Variants in TENM3 observed in about 807,000 individuals in gnomAD.
The protein encoded by TENM3 is teneurin transmembrane protein 3, also known as teneurin-3.
Under a neutral mutation model 255.1 loss-of-function variants are expected in TENM3, and 63 were observed. The observed-to-expected ratio is 0.25, with a 90% CI of 0.20 to 0.30. TENM3 has a LOEUF of 0.30. Among genes scored for constraint, TENM3 ranks in the 10% least tolerant of loss-of-function variants. TENM3 has a pLI of 1.00. For missense variants in TENM3, 2,929 were observed against 3,461.1 expected (o/e 0.85, Z 3.86); for synonymous variants, 1,306 against 1,322.3 (o/e 0.99, Z 0.27).
At chr4:182,620,959 C>G (rs1265656054) in intron 4 of TENM3, among the ~76,000 whole-genome samples, 1 of 151,950 alleles carries the variant, frequency 6.6e-6, no homozygotes, top group Non-Finnish European at 1.5e-5. Flanking sequence ...GCGGGTGGAT[C>G]CCCTGAGGTC....
chr4:182,101,131 GAAGGAAGGAAAGA>G, the TENM3 span, among the ~76,000 whole-genome samples: 1 of 93,730 alleles, frequency 1.1e-5, no homozygotes. Context: ...AGGAAAGAAG[GAAGGAAGGAAAGA>G]AGGGAGGGAG....
At chr4:182,652,338 A>T (rs754685024) in intron 5 of TENM3, among the ~76,000 whole-genome samples, 1 of 152,282 alleles carries the variant, frequency 6.6e-6, no homozygotes, top group South Asian at 2.1e-4. Flanking sequence ...GGGACTGTTT[A>T]TTGAGGGGTG....
chr4:181,849,549 A>G, the TENM3 span, among the ~76,000 whole-genome samples: 7 of 152,338 alleles, frequency 4.6e-5, no homozygotes, highest in Non-Finnish European at 7.3e-5. Flanking sequence ...ATACTCACAC[A>G]CTAAAAAGCA....
In TENM3 at chr4:182,339,104, G is replaced by A. The variant is rs528971390; in HGVS notation, c.233-7547G>A. On this transcript the variant is annotated intron_variant, in intron 2 of 27. Coordinates refer to ENST00000511685, the MANE Select transcript of TENM3 (RefSeq NM_001080477.4). Reference sequence around the variant, plus strand: ...TCTGAAACCCCTTTTCATGTTTTCTGAAATACTGGTGCTGAGAAAGCTTAT... The same window carrying A: ...TCTGAAACCCCTTTTCATGTTTTCTAAAATACTGGTGCTGAGAAAGCTTAT... Among the ~76,000 whole-genome samples the A allele has an allele frequency of 1.8e-3, 267 of 152,254 alleles. 5 individuals carry two copies. Among genetic ancestry groups the A allele is most frequent in the South Asian group, 0.017 (81 of 4,832 alleles).
At chr4:181,866,692 A>G in the TENM3 span, among the ~76,000 whole-genome samples, 1 of 152,070 alleles carries the variant, frequency 6.6e-6, no homozygotes, top group Non-Finnish European at 1.5e-5. Context: ...TCATCTATCC[A>G]AGTCAACAAA....
chr4:181,894,702 T>G, the TENM3 span, among the ~76,000 whole-genome samples: 3 of 151,296 alleles, frequency 2.0e-5, no homozygotes, highest in Non-Finnish European at 4.4e-5. Flanking sequence ...TTAGGGGCTT[T>G]GCCAAGTCAA....
At chr4:182,515,680 G>T (rs1419573414) in intron 3 of TENM3, among the ~76,000 whole-genome samples, 1 of 152,024 alleles carries the variant, frequency 6.6e-6, no homozygotes, top group African/African-American at 2.4e-5. Flanking sequence ...AATGTAAGGA[G>T]AGGAGACTTC....
At chr4:182,729,257 G>A in intron 14 of TENM3, 76 bp downstream of exon 14, 6 of 1,288,676 alleles carry the variant, frequency 4.7e-6, no homozygotes, top group Non-Finnish European at 6.7e-6. Context: ...AAATACTCAT[G>A]ACTGTGAACC....
At chr4:182,299,977 G>T (rs371433238) in intron 1 of TENM3, among the ~76,000 whole-genome samples, 1 of 151,120 alleles carries the variant, frequency 6.6e-6, no homozygotes, top group Non-Finnish European at 1.5e-5. Flanking sequence ...GTGCAGTGGC[G>T]CAATCTTGGC....
the TENM3 span, among the ~76,000 whole-genome samples, chr4:181,717,642 A>T: frequency 4.9e-4 from 75 of 152,338 alleles, no homozygotes; most frequent in African/African-American, 1.7e-3. Context: ...GAATAGCTGT[A>T]GGGAATAGCA....
At chr4:181,740,433 A>G in the TENM3 span, among the ~76,000 whole-genome samples, 1 of 152,280 alleles carries the variant, frequency 6.6e-6, no homozygotes, top group African/African-American at 2.4e-5. Flanking sequence ...TATAAATGGG[A>G]CTTGAGTCTT....
intron 3 of TENM3, among the ~76,000 whole-genome samples, chr4:182,583,004 G>A (rs531931993): frequency 3.9e-5 from 6 of 152,316 alleles, no homozygotes; most frequent in Admixed American, 1.3e-4. Flanking sequence ...CAAGATGAAT[G>A]TGCAGGGCAA....
chr4:182,087,443 T>C, the TENM3 span, among the ~76,000 whole-genome samples: 1 of 152,206 alleles, frequency 6.6e-6, no homozygotes, highest in Non-Finnish European at 1.5e-5. Flanking sequence ...AGGCACATGG[T>C]ATACCAGGAG....
chr4:182,413,065 A>G (rs1364020776), intron 3 of TENM3, among the ~76,000 whole-genome samples: 1 of 152,050 alleles, frequency 6.6e-6, no homozygotes, highest in East Asian at 1.9e-4. Flanking sequence ...TACACCTTAT[A>G]TATAAGAAAA....
the TENM3 span, among the ~76,000 whole-genome samples, chr4:182,067,533 C>T: frequency 0.13 from 19,497 of 152,158 alleles, 1,422 homozygotes; most frequent in African/African-American, 0.18. Flanking sequence ...GGAGACACAA[C>T]CCAAAGTAAT....
the TENM3 span, among the ~76,000 whole-genome samples, chr4:182,058,200 C>T: frequency 2.7e-5 from 4 of 148,972 alleles, no homozygotes; most frequent in East Asian, 2.1e-4. Flanking sequence ...TAGGCAAGAA[C>T]ACAATTCCAC....
At chr4:181,962,864 T>C in the TENM3 span, among the ~76,000 whole-genome samples, 1 of 152,160 alleles carries the variant, frequency 6.6e-6, no homozygotes, top group Non-Finnish European at 1.5e-5. Context: ...TGAAATAAAA[T>C]TAAATAAATG....
the TENM3 span, among the ~76,000 whole-genome samples, chr4:181,807,098 T>C: frequency 2.6e-5 from 4 of 152,206 alleles, no homozygotes; most frequent in African/African-American, 9.6e-5. Flanking sequence ...TATTTTTTCA[T>C]TTATAATTCT....
chr4:182,324,615 TGGCTAGAACC>T (rs1234697816), intron 2 of TENM3, among the ~76,000 whole-genome samples: 2 of 152,200 alleles, frequency 1.3e-5, no homozygotes, highest in Non-Finnish European at 2.9e-5. Flanking sequence ...ATTGTGTCTG[TGGCTAGAACC>T]GGTACAAGGA....
Sources: gnomAD v4.1 joint callset for allele counts (sites outside exome capture counted in the v4.1 genomes callset) on GRCh38, gnomAD v4.1.1 for gene constraint, MANE v1.5 for transcripts, NCBI Gene and HGNC (gene_info 2026-07-23, HGNC 2026-07-21) for gene names.